ZNF184: variants seen among roughly 807,000 people sequenced by gnomAD.
The protein encoded by ZNF184 is zinc finger protein 184.
ZNF184 carries 16 observed loss-of-function variants against 54.4 expected under a neutral mutation model. The observed-to-expected ratio is 0.29, with a 90% CI of 0.20 to 0.45. The LOEUF (loss-of-function observed/expected upper bound fraction) is 0.45. ZNF184 is among the 20% of genes least tolerant of loss of function. ZNF184 has a pLI of 1.00. For missense variants in ZNF184, 681 were observed against 888.2 expected (o/e 0.77, Z 2.97); for synonymous variants, 254 against 295.3 (o/e 0.86, Z 1.43).
the ZNF184 span, among the ~76,000 whole-genome samples, chr6:27,430,258 A>G: frequency 6.6e-6 from 1 of 152,166 alleles, no homozygotes; most frequent in Non-Finnish European, 1.5e-5. Context: ...AATATCCCAG[A>G]GTAGCATATT....
chr6:27,429,334 G>C, the ZNF184 span, among the ~76,000 whole-genome samples: 1 of 152,160 alleles, frequency 6.6e-6, no homozygotes, highest in African/African-American at 2.4e-5. Flanking sequence ...GCAAGAGCCT[G>C]GCAGTCATTA....
At chr6:27,424,821 C>T in the ZNF184 span, among the ~76,000 whole-genome samples, 131 of 152,084 alleles carry the variant, frequency 8.6e-4, no homozygotes, top group African/African-American at 1.9e-3. Context: ...CCGCGCAGTG[C>T]GCCCACACTC....
intron 3 of ZNF184, 64 bp from the exon 4 acceptor site, chr6:27,457,473 C>A: frequency 6.4e-7 from 1 of 1,568,412 alleles, no homozygotes; most frequent in Non-Finnish European, 8.7e-7. Context: ...GTAAAGTTAG[C>A]AATACTGACA....
chr6:27,409,518 A>C, the ZNF184 span, among the ~76,000 whole-genome samples: 2 of 150,508 alleles, frequency 1.3e-5, no homozygotes, highest in Non-Finnish European at 3.0e-5. Context: ...AAAAAAAAAA[A>C]AAACACAAAA....
At chr6:27,466,610 T>G (rs570581494) in intron 3 of ZNF184, among the ~76,000 whole-genome samples, 18 of 152,192 alleles carry the variant, frequency 1.2e-4, no homozygotes, top group African/African-American at 4.3e-4. Context: ...AATGTATACA[T>G]GACAAAACTT....
the ZNF184 span, among the ~76,000 whole-genome samples, chr6:27,431,178 C>T: frequency 6.6e-6 from 1 of 152,208 alleles, no homozygotes. Flanking sequence ...TTTCCCTTGG[C>T]CCTGTATATT....
chr6:27,461,986 C>A (rs915188841), intron 3 of ZNF184, among the ~76,000 whole-genome samples: 1 of 152,104 alleles, frequency 6.6e-6, no homozygotes, highest in Admixed American at 6.5e-5. Context: ...GGGACCAGAA[C>A]CAGCACTCAA....
At chr6:27,436,998 G>A in the ZNF184 span, among the ~76,000 whole-genome samples, 1 of 152,158 alleles carries the variant, frequency 6.6e-6, no homozygotes, top group Non-Finnish European at 1.5e-5. Flanking sequence ...GTAGAGACAG[G>A]ACTATATAAA....
At chr6:27,426,074 T>G in the ZNF184 span, among the ~76,000 whole-genome samples, 1 of 152,184 alleles carries the variant, frequency 6.6e-6, no homozygotes, top group South Asian at 2.1e-4. The surrounding 1 kb of genome is among the most constrained non-coding windows in gnomAD (Gnocchi z 4.2). Context: ...CTGGCTCTTG[T>G]ACCCCTTATC....
downstream of ZNF184, among the ~76,000 whole-genome samples, chr6:27,445,878 A>G (rs921043645): frequency 2.2e-4 from 33 of 152,224 alleles, no homozygotes; most frequent in Non-Finnish European, 3.1e-4. Context: ...AGGGCCTTAT[A>G]AAGTGCAGAA....
At chr6:27,456,701 C>A in intron 5 of ZNF184, 125 bp downstream of exon 5, 1 of 792,424 alleles carries the variant, frequency 1.3e-6, no homozygotes, top group Non-Finnish European at 2.0e-6. Flanking sequence ...CAGATGTTTT[C>A]CCATTTCTCC....
Position 27,472,304 on chromosome 6 carries a change from T to G in ZNF184, c.-10A>C. ...CCCCACTACCTTCCATCTCAGGAGC[T>G]CATCCCGTTCCTCTGGAACTTGAAC... On this transcript the variant is annotated 5_prime_UTR_variant, in exon 2 of 6. Transcript: ENST00000683788. The surrounding 1 kb of genome is among the most constrained non-coding windows in gnomAD (Gnocchi z 4.8). 6.2e-7 allele frequency: 1 copy of G among 1,614,012 alleles called. No homozygotes were observed. The highest frequency in any genetic ancestry group is 1.1e-5 in the South Asian group (1 of 91,062).
downstream of ZNF184, among the ~76,000 whole-genome samples, chr6:27,449,956 T>C (rs1581571354): frequency 6.6e-6 from 1 of 152,104 alleles, no homozygotes; most frequent in Non-Finnish European, 1.5e-5. Flanking sequence ...AAATGGTAAA[T>C]ATGTGACTTA....
At chr6:27,458,627 G>A (rs1232146622) in intron 3 of ZNF184, among the ~76,000 whole-genome samples, 1 of 151,974 alleles carries the variant, frequency 6.6e-6, no homozygotes, top group East Asian at 1.9e-4. Flanking sequence ...CAACACTGGT[G>A]GGAATGTAAA....
chr6:27,444,609 C>A, the ZNF184 span, among the ~76,000 whole-genome samples: 26 of 152,138 alleles, frequency 1.7e-4, no homozygotes, highest in African/African-American at 6.0e-4. Flanking sequence ...TAAGCCCTCC[C>A]ATCAGGTTTT....
At chr6:27,423,787 T>C in the ZNF184 span, among the ~76,000 whole-genome samples, 7 of 152,246 alleles carry the variant, frequency 4.6e-5, no homozygotes, top group Non-Finnish European at 7.3e-5. Flanking sequence ...TTATAATTTA[T>C]ACTTAACAAA....
chr6:27,411,840 G>C, the ZNF184 span, among the ~76,000 whole-genome samples: 54 of 152,378 alleles, frequency 3.5e-4, 1 homozygote, highest in African/African-American at 1.3e-3. Context: ...GGTGGAGGAA[G>C]AGAAAGGCCC....
Position 27,451,149 on chromosome 6 carries a change from A to T in ZNF184, c.*154T>A. 1 of 800,662 alleles carries T rather than the reference A, an allele frequency of 1.2e-6. No individual in the cohort carries two copies. The highest frequency in any genetic ancestry group is 1.9e-6 in the Non-Finnish European group (1 of 539,320). 49.6% of individuals were successfully genotyped at this position (800,662 alleles called of 1,614,324 possible). A position where few individuals can be genotyped will look rare whatever the true frequency, so the allele number is the denominator to read the frequency against. On this transcript the variant is annotated 3_prime_UTR_variant, in exon 6 of 6. Transcript: ENST00000683788. ...AGAGTGGCTTAATAACAATTGGATT[A>T]GTTCAGCCCAATGTACTTTCCATTC... is the stretch of plus-strand genomic sequence containing the variant.
At chr6:27,465,245 G>A (rs1053964250) in intron 3 of ZNF184, among the ~76,000 whole-genome samples, 14 of 151,110 alleles carry the variant, frequency 9.3e-5, no homozygotes, top group South Asian at 2.1e-4. Context: ...AGCACTTCGG[G>A]AGGGCGAGGC....
Sources: gnomAD v4.1 joint callset for allele counts (sites outside exome capture counted in the v4.1 genomes callset) on GRCh38, gnomAD v4.1.1 for gene constraint, Gnocchi (gnomAD v3.1) non-coding constraint, MANE v1.5 for transcripts, NCBI Gene and HGNC (gene_info 2026-07-23, HGNC 2026-07-21) for gene names.